GJB1: variants seen among roughly 807,000 people sequenced by gnomAD.
GJB1 encodes gap junction beta-1 protein.
In GJB1, 1 loss-of-function variant was observed where a neutral mutation model predicts 12.0. The observed-to-expected ratio is 0.08, with a 90% CI of 0.03 to 0.40. The LOEUF is 0.40. Among genes scored for constraint, GJB1 ranks in the 10% least tolerant of loss-of-function variants. The pLI is 0.98. For synonymous variants in GJB1, 114 were observed against 102.8 expected, an observed-to-expected ratio of 1.11 and a Z score of -0.66; for missense variants, 140 against 250.3, an observed-to-expected ratio of 0.56 and a Z score of 2.97.
chrX:71,216,617 G>A (rs1437320504), intron 1 of GJB1, among the ~76,000 whole-genome samples: 1 of 109,779 alleles, frequency 9.1e-6, no homozygotes, highest in Non-Finnish European at 1.9e-5. Context: ...AGGGAGTAGC[G>A]TCCAAACAAT....
In GJB1 at chrX:71,225,295, G is replaced by A. The variant is rs1385636328; in HGVS notation, c.*736G>A. 1 of 123,405 alleles carries A rather than the reference G, an allele frequency of 8.1e-6. No individual in the cohort carries two copies. The highest frequency in any genetic ancestry group is 1.9e-5 in the Non-Finnish European group (1 of 53,377). 10.2% of individuals were successfully genotyped at this position (123,405 alleles called of 1,213,427 possible). The stretch of plus-strand genomic sequence containing the variant: ...CTTGGTTTTTTACTGATTAAGAAAG[G>A]AACAGGGCAAAAGAAGTAGTTACTT... On this transcript the variant is annotated 3_prime_UTR_variant, in exon 2 of 2. Transcript: ENST00000361726.
At chrX:71,217,602 C>T (rs954047983) in intron 1 of GJB1, 2 of 111,922 alleles carry the variant, frequency 1.8e-5, no homozygotes, top group African/African-American at 6.5e-5. Flanking sequence ...AATCAGGTCA[C>T]TCCCCTGGAT....
intron 1 of GJB1, among the ~76,000 whole-genome samples, chrX:71,216,822 G>A (rs1016191064): frequency 5.4e-5 from 6 of 111,707 alleles, no homozygotes; most frequent in South Asian, 3.7e-4. Flanking sequence ...AGAAGCAGGG[G>A]AAGGGGAAGA....
At chrX:71,217,137 T>TGTGC (rs1555936024) in intron 1 of GJB1, among the ~76,000 whole-genome samples, 5 of 108,728 alleles carry the variant, frequency 4.6e-5, no homozygotes, top group Admixed American at 9.8e-5. Flanking sequence ...TGTGTGTGTG[T>TGTGC]GTGCGTGTGC....
At position 71,224,137 on chromosome X, in the gene GJB1, T is replaced by C. The variant is rs2092544673; in HGVS notation, c.430T>C (p.Leu144=). The C allele has an allele frequency of 8.3e-7, 1 of 1,205,934 alleles. No individual in the cohort carries two copies. Among genetic ancestry groups the C allele is most frequent in the Non-Finnish European group, 1.1e-6 (1 of 892,578 alleles). The change falls in exon 2 of 2, where the codon TTG becomes CTG. Residue 144 remains leucine, a synonymous_variant. Coordinates refer to ENST00000361726, the MANE Select transcript of GJB1 (RefSeq NM_000166.6). ...TGTCATCAGCGTGGTGTTCCGGCTG[T>C]TGTTTGAGGCCGTCTTCATGTATGT... ...TYVISVVFRL[L]FEAVFMYVFY... is the part of the protein sequence containing the mutation.
At chrX:71,220,039 C>T (rs1211433658), upstream of GJB1, among the ~76,000 whole-genome samples, 1 of 105,718 alleles carries the variant, frequency 9.5e-6, no homozygotes, top group Non-Finnish European at 1.9e-5. Flanking sequence ...GACATGGTTT[C>T]ACCACGTTGG....
At chrX:71,220,935 T>TC (rs2092536619), upstream of GJB1, among the ~76,000 whole-genome samples, 1 of 77,680 alleles carries the variant, frequency 1.3e-5, no homozygotes, top group African/African-American at 5.6e-5. Context: ...TCTCGCTCTG[T>TC]CACCAGGCTG....
Position 71,224,419 on chromosome X carries a change from C to A in GJB1, c.712C>A (p.Arg238Ser). 1 of 1,210,043 alleles carries A rather than the reference C, an allele frequency of 8.3e-7. No individual in the cohort carries two copies. The highest frequency in any genetic ancestry group is 1.1e-6 in the Non-Finnish European group (1 of 894,865). The change falls in exon 2 of 2, where the codon CGC becomes AGC. Residue 238 changes from arginine to serine, a missense_variant. By Grantham distance (110) the Arg-to-Ser change is moderately radical. Around this residue, in one of 4 missense-constraint regions of GJB1, gnomAD observed 75 missense variants for 78.8 expected, o/e 0.95. Coordinates refer to ENST00000361726, the MANE Select transcript of GJB1 (RefSeq NM_000166.6). ...PSRKGSGFGH[R>S]LSPEYKQNEI... The stretch of plus-strand genomic sequence containing the variant: ...CCGCAAGGGCTCGGGCTTCGGCCAC[C>A]GCCTCTCACCTGAATACAAGCAGAA...
Position 71,224,007 on chromosome X carries a change from C to T in GJB1, c.300C>T (p.His100=). 2.5e-6 allele frequency: 3 copies of T among 1,203,310 alleles called. No homozygotes were observed. The highest frequency in any genetic ancestry group is 3.4e-6 in the Non-Finnish European group (3 of 890,380). ...LVAMHVAHQQ[H]IEKKMLRLEG... ...CCATGCACGTGGCTCACCAGCAACA[C>T]ATAGAGAAGAAAATGCTACGGCTTG... The change falls in exon 2 of 2, where the codon CAC becomes CAT. Residue 100 remains histidine (H), a synonymous_variant. Coordinates refer to ENST00000361726, the MANE Select transcript of GJB1 (RefSeq NM_000166.6).
At chrX:71,218,760 C>T (rs2092530489), upstream of GJB1, among the ~76,000 whole-genome samples, 1 of 105,683 alleles carries the variant, frequency 9.5e-6, no homozygotes, top group Non-Finnish European at 1.9e-5. Flanking sequence ...TGCGGGGGCG[C>T]CTGTAGTCCC....
At position 71,224,393 on chromosome X, in the gene GJB1, C is replaced by T. The variant is rs201429051; in HGVS notation, c.686C>T (p.Ser229Phe). The T allele has an allele frequency of 8.3e-7, 1 of 1,208,641 alleles. No homozygotes were observed. Among genetic ancestry groups the T allele is most frequent in the African/African-American group, 1.8e-5 (1 of 57,119 alleles). ...RRAQRRSNPPSRKGSGFGHRL... is the reference protein window; with the variant it reads ...RRAQRRSNPPFRKGSGFGHRL... Reference sequence around the variant, plus strand: ...GCCCAGCGCCGCTCCAATCCACCTTCCCGCAAGGGCTCGGGCTTCGGCCAC... The same window carrying T: ...GCCCAGCGCCGCTCCAATCCACCTTTCCGCAAGGGCTCGGGCTTCGGCCAC... The change falls in exon 2 of 2, where the codon TCC becomes TTC. Residue 229 changes from serine to phenylalanine, a missense_variant. Around this residue, in one of 4 missense-constraint regions of GJB1, gnomAD observed 75 missense variants for 78.8 expected, o/e 0.95. Coordinates refer to ENST00000361726, the MANE Select transcript of GJB1 (RefSeq NM_000166.6).
intron 1 of GJB1, among the ~76,000 whole-genome samples, chrX:71,216,380 C>G (rs765204556): frequency 9.1e-6 from 1 of 110,384 alleles, no homozygotes; most frequent in Non-Finnish European, 1.9e-5. Context: ...CAATACGATT[C>G]CTACTCTGAG....
chrX:71,223,191 T>C (rs2092540881), upstream of GJB1: 1 of 160,074 alleles, frequency 6.2e-6, no homozygotes, highest in Non-Finnish European at 1.2e-5. Context: ...GTGCAGACAC[T>C]GGGTATAAAG....
chrX:71,223,723 T>C lies in GJB1; in HGVS notation c.16T>C (p.Leu6=). The change falls in exon 2 of 2, where the codon TTG becomes CTG. Residue 6 remains leucine, a synonymous_variant. Coordinates refer to ENST00000361726, the MANE Select transcript of GJB1 (RefSeq NM_000166.6). The stretch of plus-strand genomic sequence containing the variant: ...ATGAGGCAGGATGAACTGGACAGGT[T>C]TGTACACCTTGCTCAGTGGCGTGAA... MNWTG[L]YTLLSGVNRH... 7 of 1,210,364 alleles carry C rather than the reference T, an allele frequency of 5.8e-6. No homozygotes were observed. The highest frequency in any genetic ancestry group is 6.7e-6 in the Non-Finnish European group (6 of 894,724).
At chrX:71,220,748 G>A (rs1186065727), upstream of GJB1, among the ~76,000 whole-genome samples, 1 of 102,305 alleles carries the variant, frequency 9.8e-6, no homozygotes, top group Non-Finnish European at 2.0e-5. Context: ...TGATCTGCCC[G>A]CCTAAGCCTC....
upstream of GJB1, among the ~76,000 whole-genome samples, chrX:71,220,889 C>CTTTTTTTTTTTTTTTTTTTTTTTTTT (rs1491472340): frequency 1.9e-5 from 1 of 52,748 alleles, no homozygotes; most frequent in African/African-American, 1.0e-4. Context: ...TTGTTTCTTT[C>CTTTTTTTTTTTTTTTTTTTTTTTTTT]CTTTTTTTTT....
At chrX:71,220,106 G>A (rs1446150827), upstream of GJB1, among the ~76,000 whole-genome samples, 1 of 102,543 alleles carries the variant, frequency 9.8e-6, no homozygotes, top group Admixed American at 1.1e-4. Context: ...GCCTCCCAAA[G>A]TGCTGGGATT....
At chrX:71,221,952 T>C (rs1219061636), upstream of GJB1, among the ~76,000 whole-genome samples, 1 of 107,706 alleles carries the variant, frequency 9.3e-6, no homozygotes, top group Non-Finnish European at 1.9e-5. Context: ...CTGGGCAACA[T>C]AGCAAGCCCC....
chrX:71,220,889 C>CTTTTTTTTTTTTTTT (rs1491472340), upstream of GJB1, among the ~76,000 whole-genome samples: 13 of 52,740 alleles, frequency 2.5e-4, no homozygotes, highest in East Asian at 2.0e-3. Flanking sequence ...TTGTTTCTTT[C>CTTTTTTTTTTTTTTT]CTTTTTTTTT....
Sources: allele counts gnomAD v4.1 joint callset (sites outside exome capture counted in the v4.1 genomes callset), GRCh38; gene constraint gnomAD v4.1.1; regional missense constraint gnomAD v4.1.1; transcripts MANE v1.5; gene names NCBI Gene and HGNC (gene_info 2026-07-23, HGNC 2026-07-21).